The following TENM3 variants were observed in gnomAD, a reference collection of about 807,000 sequenced individuals.
The protein encoded by TENM3 is teneurin-3.
In TENM3, 63 loss-of-function variants were observed where a neutral mutation model predicts 255.1. That is an observed-to-expected ratio of 0.25 (90% CI 0.20 to 0.30). The LOEUF is 0.30. TENM3 is among the 10% of genes least tolerant of loss of function. The pLI, the probability that TENM3 is intolerant of heterozygous loss-of-function variation, is 1.00. For synonymous variants in TENM3, 1,306 were observed against 1,322.3 expected (o/e 0.99, Z 0.27); for missense variants, 2,929 against 3,461.1 (o/e 0.85, Z 3.86).
intron 22 of TENM3, among the ~76,000 whole-genome samples, chr4:182,763,882 A>ATCTT (rs1321197509): frequency 1.3e-5 from 2 of 152,222 alleles, no homozygotes; most frequent in East Asian, 3.9e-4. Context: ...CCAGGAATTT[A>ATCTT]TCTTTATGTT....
the TENM3 span, among the ~76,000 whole-genome samples, chr4:181,754,056 T>C: frequency 6.6e-6 from 1 of 152,306 alleles, no homozygotes; most frequent in Non-Finnish European, 1.5e-5. Flanking sequence ...TTTATACATA[T>C]AGTTATGTCA....
At chr4:182,591,321 C>T (rs1746627355) in intron 3 of TENM3, among the ~76,000 whole-genome samples, 1 of 152,106 alleles carries the variant, frequency 6.6e-6, no homozygotes, top group South Asian at 2.1e-4. Context: ...AAGCATGACC[C>T]TAAAGATACT....
In TENM3 at chr4:182,773,541, C is replaced by T. The variant is rs1389068820; in HGVS notation, c.4962C>T (p.Asp1654=). ...GAGTGGTCACAAACCTGCATGGGGA[C>T]ATGGACAAGGCTATCACAGTGGACA... is the stretch of plus-strand genomic sequence containing the variant. ...PTGVVTNLHG[D]MDKAITVDIE... is the part of the protein sequence containing the mutation. The change falls in exon 23 of 28, where the codon GAC becomes GAT. Residue 1654 remains aspartate, a synonymous_variant. Coordinates refer to ENST00000511685, the MANE Select transcript of TENM3 (RefSeq NM_001080477.4). 9 of 1,613,744 alleles carry T rather than the reference C, an allele frequency of 5.6e-6. No individual in the cohort carries two copies. The highest frequency in any genetic ancestry group is 7.6e-6 in the Non-Finnish European group (9 of 1,179,842).
At chr4:182,425,013 A>C (rs1771101572) in intron 3 of TENM3, among the ~76,000 whole-genome samples, 1 of 152,208 alleles carries the variant, frequency 6.6e-6, no homozygotes, top group Non-Finnish European at 1.5e-5. Flanking sequence ...GTCTCCTCAA[A>C]ATTGAATACT....
the TENM3 span, among the ~76,000 whole-genome samples, chr4:181,915,097 A>G: frequency 6.6e-6 from 1 of 152,154 alleles, no homozygotes; most frequent in African/African-American, 2.4e-5. Flanking sequence ...CCACACTAGG[A>G]GATCAGGAGG....
At chr4:181,631,189 A>G in the TENM3 span, among the ~76,000 whole-genome samples, 1 of 152,130 alleles carries the variant, frequency 6.6e-6, no homozygotes, top group Non-Finnish European at 1.5e-5. Flanking sequence ...TGTTAGCTGG[A>G]GACCACTTTT....
At chr4:181,526,654 G>C in the TENM3 span, among the ~76,000 whole-genome samples, 22 of 151,094 alleles carry the variant, frequency 1.5e-4, no homozygotes, top group South Asian at 1.3e-3. Context: ...TGGTAGTAGT[G>C]GTGGTAGTGA....
rs1764555926 is a variant in TENM3, at chr4:182,774,942, T to C, written c.5093T>C (p.Ile1698Thr). 1.2e-6 allele frequency: 2 copies of C among 1,613,250 alleles called. No homozygotes were observed. Among genetic ancestry groups the C allele is most frequent in the Non-Finnish European group, 1.7e-6 (2 of 1,179,458 alleles). The change falls in exon 24 of 28, where the codon ATT becomes ACT. Residue 1698 changes from isoleucine to threonine, a missense_variant. Around this residue, in one of 6 missense-constraint regions of TENM3, gnomAD observed 1,608 missense variants for 1,884.4 expected, o/e 0.85. Transcript: ENST00000511685. The part of the protein sequence containing the change: ...VQDQLRNSYQ[I>T]GYDGSLRIIY... ...GATCAGTTAAGAAACAGCTACCAGATTGGTTATGACGGCTCCCTCAGAATT... is the reference window on the plus strand; with the variant it reads ...GATCAGTTAAGAAACAGCTACCAGACTGGTTATGACGGCTCCCTCAGAATT...
intron 1 of TENM3, among the ~76,000 whole-genome samples, chr4:182,210,618 GTTT>G (rs58035061): frequency 0.42 from 55,063 of 132,114 alleles, 10,394 homozygotes; most frequent in Admixed American, 0.51. Context: ...CCCCTCTCTA[GTTT>G]TTTTTTTTTT....
the TENM3 span, among the ~76,000 whole-genome samples, chr4:181,578,920 G>T: frequency 6.6e-6 from 1 of 152,088 alleles, no homozygotes; most frequent in African/African-American, 2.4e-5. Flanking sequence ...AAACATTTTT[G>T]GTAGGTGGGG....
the TENM3 span, among the ~76,000 whole-genome samples, chr4:181,914,235 C>T: frequency 2.2e-3 from 342 of 152,286 alleles, 1 homozygote; most frequent in South Asian, 0.019. Flanking sequence ...ATATTATTTG[C>T]CCTTCTTTAG....
the TENM3 span, among the ~76,000 whole-genome samples, chr4:181,851,647 C>G: frequency 1.3e-5 from 2 of 152,114 alleles, no homozygotes; most frequent in African/African-American, 2.4e-5. Context: ...TGCACACACG[C>G]ACACACACTC....
chr4:182,152,356 A>C (rs2149585014), intron 1 of TENM3, among the ~76,000 whole-genome samples: 1 of 152,122 alleles, frequency 6.6e-6, no homozygotes, highest in East Asian at 1.9e-4. Context: ...CATTTAAAAT[A>C]AATTTTAATT....
chr4:182,055,453 T>C, the TENM3 span, among the ~76,000 whole-genome samples: 5 of 152,328 alleles, frequency 3.3e-5, no homozygotes, highest in African/African-American at 9.6e-5. Flanking sequence ...AGCTCATTTA[T>C]CTCACTTCCC....
the TENM3 span, among the ~76,000 whole-genome samples, chr4:181,537,819 A>G: frequency 6.6e-6 from 1 of 152,248 alleles, no homozygotes; most frequent in Non-Finnish European, 1.5e-5. Context: ...AAATTTAACT[A>G]AAGCTGCCAA....
At chr4:181,849,309 TA>T in the TENM3 span, among the ~76,000 whole-genome samples, 1 of 152,236 alleles carries the variant, frequency 6.6e-6, no homozygotes, top group South Asian at 2.1e-4. Context: ...TGTGAGAGTT[TA>T]CAGGCATCTC....
chr4:181,472,725 T>TG, the TENM3 span, among the ~76,000 whole-genome samples: 1 of 152,176 alleles, frequency 6.6e-6, no homozygotes, highest in African/African-American at 2.4e-5. Context: ...ATTGGAACAT[T>TG]GGGTCTTTGT....
the TENM3 span, among the ~76,000 whole-genome samples, chr4:181,782,398 T>A: frequency 6.6e-6 from 1 of 152,200 alleles, no homozygotes; most frequent in South Asian, 2.1e-4. Context: ...ATTTTCTAGT[T>A]TATTTGCATA....
At chr4:182,636,342 G>T (rs1751841635) in intron 5 of TENM3, among the ~76,000 whole-genome samples, 1 of 152,132 alleles carries the variant, frequency 6.6e-6, no homozygotes, top group Non-Finnish European at 1.5e-5. Context: ...CAGAATAAAA[G>T]AATTTACCAG....
Sources: allele counts gnomAD v4.1 joint callset (sites outside exome capture counted in the v4.1 genomes callset), GRCh38; gene constraint gnomAD v4.1.1; regional missense constraint gnomAD v4.1.1; transcripts MANE v1.5; gene names NCBI Gene and HGNC (gene_info 2026-07-23, HGNC 2026-07-21).